The following UNKL variants were observed in gnomAD, a reference collection of about 807,000 sequenced individuals.
The protein encoded by UNKL is unk like zinc finger.
Under a neutral mutation model 78.0 loss-of-function variants are expected in UNKL, and 60 were observed. That is an observed-to-expected ratio of 0.77 (90% CI 0.63 to 0.95). The LOEUF is 0.95. UNKL is among the 40% of genes least tolerant of loss of function. The pLI, the probability that UNKL is intolerant of heterozygous loss-of-function variation, is 0.00. For synonymous variants in UNKL, 608 were observed against 474.8 expected (o/e 1.28, Z -3.65); for missense variants, 1,159 against 1,045.7 (o/e 1.11, Z -1.49).
chr16:1,390,538 C>T, intron 9 of UNKL, 94 bp downstream of exon 9: 1 of 1,372,660 alleles, frequency 7.3e-7, no homozygotes, highest in South Asian at 1.3e-5. Context: ...TGAGCGCTGC[C>T]CTAACGCGAT....
At chr16:1,367,402 G>A in intron 13 of UNKL, 53 bp from the exon 14 acceptor site, 1 of 1,492,386 alleles carries the variant, frequency 6.7e-7, no homozygotes, top group Admixed American at 2.1e-5. Context: ...GCCACCTGCA[G>A]ACCCTCTTGC....
chr16:1,401,627 C>T lies in UNKL; in HGVS notation c.539G>A (p.Gly180Glu). Reference sequence around the variant, plus strand: ...AATCATGGCCTGGCTGGCCAAGACCCCAGGCTGCAGATCCGGGACCCCTTC... The same window carrying T: ...AATCATGGCCTGGCTGGCCAAGACCTCAGGCTGCAGATCCGGGACCCCTTC... Reference protein sequence around the residue: ...GGEGVPDLQPGVLASQAMIEK... With the variant: ...GGEGVPDLQPEVLASQAMIEK... Residue 180 changes from glycine to glutamate, a missense_variant, in exon 4 of 15, where the codon GGG (glycine) becomes GAG (glutamate). Transcript: ENST00000389221. 6.2e-7 allele frequency: 1 copy of T among 1,610,592 alleles called. No homozygotes were observed. The highest frequency in any genetic ancestry group is 1.1e-5 in the South Asian group (1 of 90,546).
At position 1,399,604 on chromosome 16, in the gene UNKL, T is replaced by C. The variant is rs1402975285; in HGVS notation, c.599-95A>G. 2.6e-6 allele frequency: 4 copies of C among 1,519,190 alleles called. No individual in the cohort carries two copies. The highest frequency in any genetic ancestry group is 2.5e-5 in the East Asian group (1 of 40,500). 94.1% of individuals were successfully genotyped at this position (1,519,190 alleles called of 1,614,324 possible). ...TGGAAGGACCTGGCTGTCCCCCAAA[T>C]GGAAGGGGCTGCAGGAGGACTTGGG... On this transcript the variant is annotated intron_variant, in intron 4 of 14. Transcript: ENST00000389221. The surrounding 1 kb of genome is among the most constrained non-coding windows in gnomAD (Gnocchi z 5.8).
At position 1,399,155 on chromosome 16, in the gene UNKL, A is replaced by G; in HGVS notation, c.734+219T>C. ...GCCCCGGTAGGGGACTGCATGGGAG[A>G]CACTGAGCGTAGGTGGGGAGGCCCA... On this transcript the variant is annotated intron_variant, in intron 5 of 14. Transcript: ENST00000389221. This position sits in a 1 kb window ranked among gnomAD's most constrained non-coding sequence, Gnocchi z 5.8. The G allele has an allele frequency of 5.4e-6, 6 of 1,105,076 alleles. No homozygotes were observed. Among genetic ancestry groups the G allele is most frequent in the Non-Finnish European group, 7.5e-6 (6 of 802,776 alleles). 68.5% of individuals were successfully genotyped at this position (1,105,076 alleles called of 1,614,324 possible).
intron 7 of UNKL, 50 bp downstream of exon 7, chr16:1,394,081 A>G (rs1261003816): frequency 5.2e-6 from 8 of 1,530,202 alleles, no homozygotes; most frequent in African/African-American, 4.1e-5. Context: ...GAGGGCCTGC[A>G]GAGCCGCGGA....
In UNKL at chr16:1,404,804, C is replaced by T. The variant is rs75959233; in HGVS notation, c.288-1460G>A. Among the ~76,000 whole-genome samples the T allele has an allele frequency of 1.8e-3, 269 of 152,052 alleles. 2 individuals are homozygous for T. In the East Asian group the frequency reaches 0.048, roughly 27 times the overall value. On this transcript the variant is annotated intron_variant, in intron 2 of 14. Transcript: ENST00000389221. ...GCTTCCATCCACGTGACGGGGTACA[C>T]GCAGGCTTCCGTCCACAAGACAGGG...
At chr16:1,381,385 T>C (rs1219796098) in intron 10 of UNKL, among the ~76,000 whole-genome samples, 4 of 152,200 alleles carry the variant, frequency 2.6e-5, no homozygotes, top group African/African-American at 9.6e-5. Context: ...CTTGGGAGGC[T>C]GAGGTGGGCG....
intron 4 of UNKL, among the ~76,000 whole-genome samples, chr16:1,400,173 C>A (rs1411285527): frequency 6.6e-6 from 1 of 152,090 alleles, no homozygotes; most frequent in Admixed American, 6.6e-5. Context: ...GTTATCCCAG[C>A]ACTTTGGGAG....
intron 10 of UNKL, among the ~76,000 whole-genome samples, chr16:1,383,282 A>AC (rs200491276): frequency 0.014 from 2,050 of 151,614 alleles, 52 homozygotes; most frequent in African/African-American, 0.046. Flanking sequence ...CAAAAAAAAA[A>AC]AAAAAACAAA....
At chr16:1,372,821 G>A (rs1275752097) in intron 10 of UNKL, among the ~76,000 whole-genome samples, 43 of 151,332 alleles carry the variant, frequency 2.8e-4, no homozygotes, top group African/African-American at 9.0e-4. Context: ...CCTCAGCAGC[G>A]TGGGGCACAC....
intron 2 of UNKL, among the ~76,000 whole-genome samples, chr16:1,411,585 G>C (rs992140710): frequency 6.6e-6 from 1 of 152,042 alleles, no homozygotes; most frequent in South Asian, 2.1e-4. Context: ...CCAGCACTTT[G>C]GGACGCCGAG....
intron 11 of UNKL, 138 bp from the exon 12 acceptor site, chr16:1,370,495 G>C: frequency 7.4e-7 from 1 of 1,342,962 alleles, no homozygotes; most frequent in African/African-American, 1.5e-5. Context: ...TAGGGGCCAG[G>C]CCAGCCACCA....
intron 7 of UNKL, among the ~76,000 whole-genome samples, chr16:1,393,643 C>T (rs1210074399): frequency 6.6e-6 from 1 of 152,252 alleles, no homozygotes; most frequent in Non-Finnish European, 1.5e-5. Flanking sequence ...CAGGGTCACC[C>T]TGAGCAACCC....
chr16:1,375,566 C>A (rs1479612214), intron 10 of UNKL, among the ~76,000 whole-genome samples: 1 of 152,178 alleles, frequency 6.6e-6, no homozygotes, highest in East Asian at 1.9e-4. Context: ...CGGCACACGG[C>A]GCATGCGGGA....
chr16:1,380,306 T>C (rs1423981205), intron 10 of UNKL, among the ~76,000 whole-genome samples: 1 of 152,212 alleles, frequency 6.6e-6, no homozygotes, highest in African/African-American at 2.4e-5. Context: ...CGACCCAGTC[T>C]ACACACCAGC....
intron 2 of UNKL, among the ~76,000 whole-genome samples, chr16:1,413,221 G>A (rs2038121482): frequency 1.7e-5 from 2 of 120,814 alleles, no homozygotes; most frequent in South Asian, 5.4e-4. Flanking sequence ...TCCAGCCCCA[G>A]CGACAGAGCA....
At position 1,399,365 on chromosome 16, in the gene UNKL, C is replaced by T. The variant is rs564136561; in HGVS notation, c.734+9G>A. 2.5e-6 allele frequency: 4 copies of T among 1,578,480 alleles called. No individual in the cohort carries two copies. The highest frequency in any genetic ancestry group is 3.4e-6 in the Non-Finnish European group (4 of 1,159,862). On this transcript the variant is annotated intron_variant, in intron 5 of 14. Transcript: ENST00000389221. This position sits in a 1 kb window ranked among gnomAD's most constrained non-coding sequence, Gnocchi z 5.8. ...CCGGAGTCCTCTGAGCACGGTCCCG[C>T]AGGCTCACCTGTACTGGAACCGCCG...
At position 1,387,685 on chromosome 16, in the gene UNKL, G is replaced by T. The variant is rs2036867881; in HGVS notation, c.1087-2300C>A. ...TCACTCAGAACCAAAAGCTCAGGAT[G>T]GCAACGCACGGCCCTCCGGGGACGT... On this transcript the variant is annotated intron_variant, in intron 9 of 14. Transcript: ENST00000389221. This position sits in a 1 kb window ranked among gnomAD's most constrained non-coding sequence, Gnocchi z 4.1. 6.6e-6 allele frequency among the ~76,000 whole-genome samples: 1 copy of T among 152,144 alleles called. No individual in the cohort carries two copies. The highest frequency in any genetic ancestry group is 2.1e-4 in the South Asian group (1 of 4,832).
chr16:1,396,870 T>C (rs11864168), intron 6 of UNKL, among the ~76,000 whole-genome samples: 7,273 of 152,264 alleles, frequency 0.048, 544 homozygotes, highest in African/African-American at 0.16. Flanking sequence ...AGGCGTGAGC[T>C]ACTGCACCCA....
Sources: gnomAD v4.1 joint callset for allele counts (sites outside exome capture counted in the v4.1 genomes callset) on GRCh38, gnomAD v4.1.1 for gene constraint, Gnocchi (gnomAD v3.1) non-coding constraint, MANE v1.5 for transcripts, NCBI Gene and HGNC (gene_info 2026-07-23, HGNC 2026-07-21) for gene names.